Variants in FRY observed in about 807,000 individuals in gnomAD.
The protein encoded by FRY is FRY microtubule binding protein, also known as protein furry homolog.
A neutral mutation model predicts 348.4 loss-of-function variants in FRY; 128 were observed. That is an observed-to-expected ratio of 0.37 (90% CI 0.32 to 0.43). FRY has a LOEUF of 0.43. Among genes scored for constraint, FRY ranks in the 20% least tolerant of loss-of-function variants. The pLI, the probability that FRY is intolerant of heterozygous loss-of-function variation, is 1.00. For synonymous variants in FRY, 1,370 were observed against 1,374.7 expected (o/e 1.00, Z 0.08); for missense variants, 2,736 against 3,695.2 (o/e 0.74, Z 6.73).
At chr13:32,149,050 T>A (rs898344573) in intron 13 of FRY, among the ~76,000 whole-genome samples, 4 of 148,882 alleles carry the variant, frequency 2.7e-5, no homozygotes, top group African/African-American at 9.8e-5. Context: ...CACACATATA[T>A]ACACACAGAT....
intron 15 of FRY, 34 bp from the exon 16 acceptor site, chr13:32,157,239 A>C (rs1190508289): frequency 2.5e-6 from 4 of 1,585,174 alleles, no homozygotes; most frequent in Non-Finnish European, 3.5e-6. Flanking sequence ...TGATAGATTC[A>C]GTTGAAGGTA....
rs182045783 is a variant in FRY at position 32,089,623 on chromosome 13, A to G, written c.270+10590A>G. 5.9e-5 allele frequency among the ~76,000 whole-genome samples: 9 copies of G among 152,188 alleles called. No homozygotes were observed. In the East Asian group the frequency reaches 1.7e-3, roughly 29 times the overall value. ...CTATCTACAAAAAATAAAAACAAAA[A>G]AATTAGCCAGGCGTGGTGGCACATG... is the stretch of plus-strand genomic sequence containing the variant. On this transcript the variant is annotated intron_variant, in intron 2 of 60. Transcript: ENST00000542859.
At chr13:32,064,784 G>C (rs1490356152) in intron 1 of FRY, among the ~76,000 whole-genome samples, 1 of 152,124 alleles carries the variant, frequency 6.6e-6, no homozygotes, top group East Asian at 1.9e-4. Flanking sequence ...ATTCTCCACA[G>C]AACTTTGCAG....
At chr13:32,218,622 T>C (rs770167621) in intron 35 of FRY, 127 bp from the exon 36 acceptor site, 1 of 625,222 alleles carries the variant, frequency 1.6e-6, no homozygotes, top group South Asian at 1.6e-5. Context: ...GAGATTGCAG[T>C]GAGCCAAGAT....
In FRY at chr13:32,209,005, C is replaced by G; in HGVS notation, c.4171C>G (p.Arg1391Gly). ...PSSPEDEVKDREGDVTASHGL... is the reference protein window; with the variant it reads ...PSSPEDEVKDGEGDVTASHGL... Reference sequence around the variant, plus strand: ...CAGCCCAGAGGACGAAGTCAAGGACCGGGAAGGTGACGTGACTGCTTCTCA... The same window carrying G: ...CAGCCCAGAGGACGAAGTCAAGGACGGGGAAGGTGACGTGACTGCTTCTCA... Residue 1391 changes from arginine (R) to glycine (G), a missense_variant, in exon 32 of 61, where the codon CGG becomes GGG. Coordinates refer to ENST00000542859, the MANE Select transcript of FRY (RefSeq NM_023037.3). 6.2e-7 allele frequency: 1 copy of G among 1,614,164 alleles called. No individual in the cohort carries two copies.
chr13:32,078,762 G>A, intron 1 of FRY, 72 bp from the exon 2 acceptor site: 1 of 1,087,252 alleles, frequency 9.2e-7, no homozygotes. Context: ...TGATATTTAT[G>A]GTTTAACACA....
At chr13:32,131,418 C>G (rs190913305) in intron 7 of FRY, among the ~76,000 whole-genome samples, 13 of 152,260 alleles carry the variant, frequency 8.5e-5, no homozygotes, top group Admixed American at 8.5e-4. Context: ...TTGAGAAGGT[C>G]TAAATAAACC....
chr13:32,248,272 T>C (rs1886900290), intron 48 of FRY, among the ~76,000 whole-genome samples: 1 of 152,104 alleles, frequency 6.6e-6, no homozygotes, highest in African/African-American at 2.4e-5. Context: ...ATAAATTCAC[T>C]AAGAAATAAA....
At chr13:32,094,131 T>C (rs369803343) in intron 2 of FRY, among the ~76,000 whole-genome samples, 1 of 152,148 alleles carries the variant, frequency 6.6e-6, no homozygotes, top group Non-Finnish European at 1.5e-5. Context: ...AATGTGTAGA[T>C]CTTGGATTTC....
At chr13:32,291,592 A>G (rs766779001) in intron 59 of FRY, among the ~76,000 whole-genome samples, 7 of 151,010 alleles carry the variant, frequency 4.6e-5, no homozygotes, top group Non-Finnish European at 1.0e-4. Context: ...TTTAGTAGAG[A>G]TGGGGTTTTG....
At chr13:32,062,691 A>G (rs982508919) in intron 1 of FRY, among the ~76,000 whole-genome samples, 1 of 152,192 alleles carries the variant, frequency 6.6e-6, no homozygotes, top group African/African-American at 2.4e-5. Flanking sequence ...AATTTAATAA[A>G]TATTTACATG....
chr13:32,114,289 A>G (rs1292678189), intron 3 of FRY, among the ~76,000 whole-genome samples: 2 of 152,244 alleles, frequency 1.3e-5, no homozygotes, highest in Non-Finnish European at 2.9e-5. Context: ...CTGCTATAGC[A>G]TCTTACACTG....
intron 2 of FRY, among the ~76,000 whole-genome samples, chr13:32,095,615 T>C (rs757909387): frequency 4.6e-5 from 7 of 152,070 alleles, no homozygotes; most frequent in Non-Finnish European, 1.0e-4. Context: ...AGTGCTGAGA[T>C]TATAGGCGTG....
intron 28 of FRY, among the ~76,000 whole-genome samples, chr13:32,188,702 A>G (rs1365429465): frequency 2.0e-5 from 3 of 152,082 alleles, no homozygotes; most frequent in Admixed American, 2.0e-4. Context: ...GACCACTTCC[A>G]TCTCTTGGTA....
At chr13:32,192,631 C>T (rs1883413565) in intron 28 of FRY, among the ~76,000 whole-genome samples, 1 of 151,976 alleles carries the variant, frequency 6.6e-6, no homozygotes, top group Non-Finnish European at 1.5e-5. Flanking sequence ...CACCTAGGCC[C>T]AAACCCTGTA....
At chr13:32,107,858 G>A (rs1877671798) in intron 3 of FRY, among the ~76,000 whole-genome samples, 1 of 152,106 alleles carries the variant, frequency 6.6e-6, no homozygotes. Context: ...AGTCATACCA[G>A]TAACAAGAAT....
At chr13:32,046,693 T>A (rs1873031404) in intron 1 of FRY, among the ~76,000 whole-genome samples, 3 of 152,172 alleles carry the variant, frequency 2.0e-5, no homozygotes, top group Admixed American at 2.0e-4. Context: ...TAAGGAGAGG[T>A]TCAATACCCA....
chr13:32,087,159 C>A (rs1875928821), intron 2 of FRY, among the ~76,000 whole-genome samples: 1 of 152,188 alleles, frequency 6.6e-6, no homozygotes, highest in Admixed American at 6.5e-5. Context: ...GGATGCCAAA[C>A]TCTATTGCAT....
intron 53 of FRY, among the ~76,000 whole-genome samples, chr13:32,263,385 G>A (rs1033185727): frequency 2.0e-5 from 3 of 152,144 alleles, no homozygotes; most frequent in African/African-American, 4.8e-5. Context: ...GAAAATCTAT[G>A]TGCTTTAAAC....
Sources: gnomAD v4.1 joint callset for allele counts (sites outside exome capture counted in the v4.1 genomes callset) on GRCh38, gnomAD v4.1.1 for gene constraint, MANE v1.5 for transcripts, NCBI Gene and HGNC (gene_info 2026-07-23, HGNC 2026-07-21) for gene names.